Variants in EXO1 observed in about 807,000 individuals in gnomAD.
The protein encoded by EXO1 is exonuclease 1.
EXO1 carries 69 observed loss-of-function variants against 84.5 expected under a neutral mutation model. That is an observed-to-expected ratio of 0.82 (90% CI 0.67 to 1.00). EXO1 has a LOEUF of 1.00. Ranked by LOEUF, EXO1 falls within the 50% of genes least tolerant of loss-of-function variation. The pLI, the probability that EXO1 is intolerant of heterozygous loss-of-function variation, is 0.00. For synonymous variants in EXO1, 373 were observed against 366.1 expected (o/e 1.02, Z -0.21); for missense variants, 1,045 against 1,000.7 (o/e 1.04, Z -0.60).
chr1:241,852,446 T>A (rs780422911), intron 5 of EXO1, 35 bp downstream of exon 5: 1 of 1,577,272 alleles, frequency 6.3e-7, no homozygotes. Flanking sequence ...CTAACTTCAT[T>A]GCACTAAGGT....
Position 241,879,198 on chromosome 1 carries a change from A to G in EXO1, c.1964A>G (p.Lys655Arg), listed in dbSNP as rs1448115454. The change falls in exon 13 of 16, where the codon AAG (lysine) becomes AGG (arginine). Residue 655 changes from lysine (K) to arginine (R), a missense_variant. Transcript: ENST00000366548. Reference sequence around the variant, plus strand: ...AATATGTCTGATGTGTCGCAGTTAAAGAGCGAGGAGTCCAGTGACGATGAG... The same window carrying G: ...AATATGTCTGATGTGTCGCAGTTAAGGAGCGAGGAGTCCAGTGACGATGAG... The part of the protein sequence containing the change: ...ENNMSDVSQL[K>R]SEESSDDESH... 1.9e-6 allele frequency: 3 copies of G among 1,603,000 alleles called. No homozygotes were observed. Among genetic ancestry groups the G allele is most frequent in the Non-Finnish European group, 2.6e-6 (3 of 1,171,624 alleles).
intron 11 of EXO1, among the ~76,000 whole-genome samples, chr1:241,868,374 C>CAAAA (rs10591886): frequency 8.6e-6 from 1 of 115,876 alleles, no homozygotes; most frequent in African/African-American, 3.2e-5. Flanking sequence ...GAATCCATCT[C>CAAAA]AAAAAAAAAA....
rs541817242 is a variant in EXO1, at chr1:241,855,716, T to C, written c.406-1629T>C. On this transcript the variant is annotated intron_variant, in intron 6 of 15. Coordinates refer to ENST00000366548, the MANE Select transcript of EXO1 (RefSeq NM_130398.4). Reference sequence around the variant, plus strand: ...AGGCATGGCGGGCTGCAGTCCCGAGTCCTGCCCCGCAGGAAGGCAGCTAAG... The same window carrying C: ...AGGCATGGCGGGCTGCAGTCCCGAGCCCTGCCCCGCAGGAAGGCAGCTAAG... Among the ~76,000 whole-genome samples, 535 of 152,200 alleles carry C rather than the reference T, an allele frequency of 3.5e-3. 4 individuals are homozygous for C. The highest frequency in any genetic ancestry group is 0.012 in the African/African-American group (516 of 41,546).
At chr1:241,861,646 T>A (rs1375701309) in intron 10 of EXO1, 144 bp downstream of exon 10, 2 of 677,634 alleles carry the variant, frequency 3.0e-6, no homozygotes, top group Non-Finnish European at 5.4e-6. Flanking sequence ...AACAACTTGA[T>A]CCTAGAGAAA....
In EXO1 at chr1:241,850,440, A is replaced by T. The variant is rs752928701; in HGVS notation, c.15A>T (p.Gly5=). 6.2e-7 allele frequency: 1 copy of T among 1,613,870 alleles called. No homozygotes were observed. MGIQ[G]LLQFIKEASE... ...AATTTGGCACCATGGGGATACAGGG[A>T]TTGCTACAATTTATCAAAGAAGCTT... is the stretch of plus-strand genomic sequence containing the variant. The change falls in exon 4 of 16, where the codon GGA becomes GGT. Residue 5 remains glycine (G), a synonymous_variant. Coordinates refer to ENST00000366548, the MANE Select transcript of EXO1 (RefSeq NM_130398.4).
At chr1:241,861,942 T>TC (rs112909488) in intron 10 of EXO1, among the ~76,000 whole-genome samples, 99,002 of 151,504 alleles carry the variant, frequency 0.65, 33,317 homozygotes, top group African/African-American at 0.81. Flanking sequence ...TGTTTTCTTT[T>TC]ATTTTTCTTT....
chr1:241,858,783 C>A, intron 8 of EXO1, 65 bp downstream of exon 8: 2 of 1,040,934 alleles, frequency 1.9e-6, no homozygotes, highest in South Asian at 1.3e-5. Context: ...AATAATAAAT[C>A]ATAATATGGA....
Position 241,848,367 on chromosome 1 carries a change from GC to G in EXO1, c.-420+15del, listed in dbSNP as rs1401492386. On this transcript the variant is annotated intron_variant, in intron 1 of 15. Transcript: ENST00000366548. The surrounding 1 kb of genome is among the most constrained non-coding windows in gnomAD (Gnocchi z 4.2). ...CCTTCTCGGAAGGTGAGAGGAGCGGGCTGTGCGGAGGCTAATGGGTGGGTTC... is the reference window on the plus strand; with the variant it reads ...CCTTCTCGGAAGGTGAGAGGAGCGGGTGTGCGGAGGCTAATGGGTGGGTTC... The G allele has an allele frequency of 6.6e-6, 1 of 152,386 alleles. No individual in the cohort carries two copies. Among genetic ancestry groups the G allele is most frequent in the Admixed American group, 6.5e-5 (1 of 15,284 alleles). 9.4% of individuals were successfully genotyped at this position (152,386 alleles called of 1,614,324 possible). A position where few individuals can be genotyped will look rare whatever the true frequency, so the allele number is the denominator to read the frequency against.
At chr1:241,855,294 T>TAGATACAGTGTC (rs1431645193) in intron 6 of EXO1, among the ~76,000 whole-genome samples, 3 of 152,118 alleles carry the variant, frequency 2.0e-5, no homozygotes, top group African/African-American at 7.2e-5. Flanking sequence ...TCAGATTAGT[T>TAGATACAGTGTC]AGATACAGTG....
chr1:241,873,682 G>A (rs1473876195), intron 12 of EXO1, among the ~76,000 whole-genome samples: 1 of 152,034 alleles, frequency 6.6e-6, no homozygotes, highest in Non-Finnish European at 1.5e-5. Context: ...TAGTCCAGTT[G>A]GAAAAATAAA....
chr1:241,885,186 G>A lies in EXO1; in HGVS notation c.2212-128G>A, dbSNP rs1168882257. 5 of 370,642 alleles carry A rather than the reference G, an allele frequency of 1.3e-5. No individual in the cohort carries two copies. In the Admixed American group the frequency reaches 1.8e-4, roughly 14 times the overall value. 23.0% of individuals were successfully genotyped at this position (370,642 alleles called of 1,614,324 possible). A position where few individuals can be genotyped will look rare whatever the true frequency, so the allele number is the denominator to read the frequency against. Reference sequence around the variant, plus strand: ...CGCACCACTGCACTCCAGACTGGGCGACAGAGTGAGAGTCCATCTCAAAAA... The same window carrying A: ...CGCACCACTGCACTCCAGACTGGGCAACAGAGTGAGAGTCCATCTCAAAAA... On this transcript the variant is annotated intron_variant, in intron 14 of 15. Coordinates refer to ENST00000366548, the MANE Select transcript of EXO1 (RefSeq NM_130398.4).
intron 5 of EXO1, 97 bp downstream of exon 5, chr1:241,852,508 A>C: frequency 8.8e-7 from 1 of 1,138,780 alleles, no homozygotes; most frequent in Non-Finnish European, 1.3e-6. Flanking sequence ...AGCCAGGCTC[A>C]GTGGCTTGCA....
chr1:241,856,799 A>G (rs1360593304), intron 6 of EXO1, among the ~76,000 whole-genome samples: 2 of 152,228 alleles, frequency 1.3e-5, no homozygotes, highest in African/African-American at 2.4e-5. Flanking sequence ...GGGAAGCTGA[A>G]GCGAGTGGAT....
At chr1:241,880,004 C>CAAA (rs576461090) in intron 13 of EXO1, among the ~76,000 whole-genome samples, 1 of 83,916 alleles carries the variant, frequency 1.2e-5, no homozygotes, top group Non-Finnish European at 2.5e-5. Context: ...AAGACTGTCT[C>CAAA]AAAAAAAAAA....
intron 11 of EXO1, among the ~76,000 whole-genome samples, chr1:241,871,099 A>C (rs1038296914): frequency 1.1e-4 from 16 of 152,162 alleles, no homozygotes; most frequent in African/African-American, 3.9e-4. Flanking sequence ...AAATGAGGTT[A>C]ATCTGGTGTG....
intron 6 of EXO1, 71 bp from the exon 7 acceptor site, chr1:241,857,274 G>T (rs1436441045): frequency 1.4e-5 from 21 of 1,501,118 alleles, no homozygotes; most frequent in Non-Finnish European, 1.9e-5. Flanking sequence ...AATAAAGTGG[G>T]TTTGAAACAG....
intron 11 of EXO1, among the ~76,000 whole-genome samples, chr1:241,867,731 C>A (rs1001736639): frequency 6.6e-6 from 1 of 152,034 alleles, no homozygotes; most frequent in African/African-American, 2.4e-5. Flanking sequence ...CAGCTGACCA[C>A]ATATATGTGG....
chr1:241,851,141 C>G (rs1034884061), intron 4 of EXO1, among the ~76,000 whole-genome samples: 1 of 152,202 alleles, frequency 6.6e-6, no homozygotes, highest in South Asian at 2.1e-4. Flanking sequence ...AATTCTTAAC[C>G]TAAGATAAAT....
intron 14 of EXO1, among the ~76,000 whole-genome samples, chr1:241,885,031 C>T (rs4149997): frequency 0.22 from 33,238 of 151,730 alleles, 3,978 homozygotes; most frequent in Non-Finnish European, 0.26. Flanking sequence ...AACGGTGAAA[C>T]GCCGTCTCTA....
Sources: allele counts gnomAD v4.1 joint callset (sites outside exome capture counted in the v4.1 genomes callset), GRCh38; gene constraint gnomAD v4.1.1; non-coding constraint Gnocchi (gnomAD v3.1); transcripts MANE v1.5; gene names NCBI Gene and HGNC (gene_info 2026-07-23, HGNC 2026-07-21).